The following WNK3 variants were observed in gnomAD, a reference collection of about 807,000 sequenced individuals.
WNK3 encodes WNK lysine deficient protein kinase 3.
Under a neutral mutation model 116.7 loss-of-function variants are expected in WNK3, and 18 were observed. That is an observed-to-expected ratio of 0.15 (90% CI 0.11 to 0.23). The LOEUF is 0.23. Ranked by LOEUF, WNK3 falls within the 10% of genes least tolerant of loss-of-function variation. The pLI, the probability that WNK3 is intolerant of heterozygous loss-of-function variation, is 1.00. For missense variants in WNK3, 993 were observed against 1,323.8 expected, an observed-to-expected ratio of 0.75 and a Z score of 3.88; for synonymous variants, 404 against 469.4, an observed-to-expected ratio of 0.86 and a Z score of 1.80.
rs979508515 is a variant in WNK3 at position 54,219,609 on chromosome X, C to T, written c.4870+9105G>A. ...AGGAGAATCACTTGAACCCGGGAGG[C>T]GGAGGTTGCAGTGAGCCGAGATCGC... On this transcript the variant is annotated intron_variant, in intron 22 of 23. Transcript: ENST00000354646. 3.0e-4 allele frequency among the ~76,000 whole-genome samples: 26 copies of T among 85,693 alleles called. 1 individual carries two copies. Among genetic ancestry groups the T allele is most frequent in the African/African-American group, 1.2e-3 (26 of 21,904 alleles). 74.4% of individuals were successfully genotyped at this position (85,693 alleles called of 115,157 possible).
intron 8 of WNK3, 134 bp from the exon 9 acceptor site, chrX:54,293,461 T>C: frequency 2.3e-6 from 1 of 430,481 alleles, no homozygotes. Flanking sequence ...ATAAAATATT[T>C]ACACTACAAC....
intron 2 of WNK3, among the ~76,000 whole-genome samples, chrX:54,323,911 T>G (rs2069067531): frequency 8.9e-6 from 1 of 112,326 alleles, no homozygotes; most frequent in Non-Finnish European, 1.9e-5. Flanking sequence ...TGTATTCATT[T>G]CCTATTGCTA....
In WNK3 at chrX:54,222,915, A is replaced by AATATATATAT. The variant is rs782107262; in HGVS notation, c.4870+5789_4870+5798dup. The stretch of plus-strand genomic sequence containing the variant: ...ATAGTATAATAATAATAATAATAAT[A>AATATATATAT]ATATATATATATATATATATATATA... On this transcript the variant is annotated intron_variant, in intron 22 of 23. Coordinates refer to ENST00000354646, the Ensembl canonical transcript of WNK3. Among the ~76,000 whole-genome samples, 13 of 81,020 alleles carry AATATATATAT rather than the reference A, an allele frequency of 1.6e-4. No individual in the cohort carries two copies. In the South Asian group the frequency reaches 1.7e-3, roughly 10 times the overall value. 70.4% of individuals were successfully genotyped at this position (81,020 alleles called of 115,157 possible). A position where few individuals can be genotyped will look rare whatever the true frequency, so the allele number is the denominator to read the frequency against.
chrX:54,344,785 A>C (rs1176804098), intron 1 of WNK3, among the ~76,000 whole-genome samples: 3 of 109,780 alleles, frequency 2.7e-5, no homozygotes, highest in Non-Finnish European at 3.8e-5. Flanking sequence ...TCTACTAAAA[A>C]TACAAAATTT....
intron 5 of WNK3, among the ~76,000 whole-genome samples, chrX:54,303,954 C>T (rs2068795149): frequency 9.0e-6 from 1 of 111,176 alleles, no homozygotes. Context: ...TATTTATGGC[C>T]TTCCAAAATA....
In WNK3 at chrX:54,238,395, C is replaced by T. The variant is rs782221000; in HGVS notation, c.3961G>A (p.Ala1321Thr). Residue 1321 changes from alanine (A) to threonine (T), a missense_variant, in exon 19 of 24, where the codon GCT becomes ACT. Ala to Thr is a moderately conservative substitution (Grantham distance 58). Around this residue, in one of 4 missense-constraint regions of WNK3, gnomAD observed 836 missense variants for 976.5 expected, o/e 0.86. Coordinates refer to ENST00000354646, the Ensembl canonical transcript of WNK3. Reference sequence around the variant, plus strand: ...CTCATCGCTTTACATCTATTCAAAGCCCTAGTATCAGCTGTGGACTCCCGT... The same window carrying T: ...CTCATCGCTTTACATCTATTCAAAGTCCTAGTATCAGCTGTGGACTCCCGT... 3.1e-5 allele frequency: 37 copies of T among 1,209,578 alleles called. No homozygotes were observed. Among genetic ancestry groups the T allele is most frequent in the Non-Finnish European group, 4.1e-5 (37 of 894,989 alleles).
In WNK3 at chrX:54,292,801, T is replaced by G. The variant is rs1288261199; in HGVS notation, c.2037+87A>C. On this transcript the variant is annotated intron_variant, in intron 10 of 23. Transcript: ENST00000354646. ...GACCTTTCTCTAAACTATAATGAAT[T>G]TATAAAAGAGAACTTTTGCCTGTCA... is the stretch of plus-strand genomic sequence containing the variant. 6.2e-6 allele frequency: 6 copies of G among 965,638 alleles called. No individual in the cohort carries two copies. In the African/African-American group the frequency reaches 1.2e-4, roughly 19 times the overall value. The allele number at this position is 965,638 out of a possible 1,213,427, so 79.6% of individuals were successfully genotyped here.
At chrX:54,235,323 T>C (rs889807025) in intron 20 of WNK3, among the ~76,000 whole-genome samples, 9 of 112,175 alleles carry the variant, frequency 8.0e-5, no homozygotes, top group South Asian at 7.4e-4. Context: ...TCTCGCTCTG[T>C]CACCCAGGCT....
At chrX:54,277,423 C>T (rs1026422546) in intron 10 of WNK3, among the ~76,000 whole-genome samples, 8 of 108,389 alleles carry the variant, frequency 7.4e-5, no homozygotes, top group African/African-American at 2.7e-4. Context: ...CTGCAACCTC[C>T]GCCTCCTGGG....
rs782702696 is a variant in WNK3 at position 54,249,411 on chromosome X, G to A, written c.2937C>T (p.Tyr979=). Reference sequence around the variant, plus strand: ...GAACTGCACGAACTGAAGTAGTAGAGTAACTGGAACTATTAGTAACTGGTG... The same window carrying A: ...GAACTGCACGAACTGAAGTAGTAGAATAACTGGAACTATTAGTAACTGGTG... The change falls in exon 17 of 24, where the codon TAC becomes TAT. Residue 979 remains tyrosine, a synonymous_variant. Coordinates refer to ENST00000354646, the Ensembl canonical transcript of WNK3. 6.6e-6 allele frequency: 8 copies of A among 1,209,854 alleles called. No individual in the cohort carries two copies. In the South Asian group the frequency reaches 1.4e-4, roughly 21 times the overall value.
chrX:54,302,161 T>A (rs1415688232), intron 5 of WNK3, among the ~76,000 whole-genome samples: 1 of 111,424 alleles, frequency 9.0e-6, no homozygotes, highest in Non-Finnish European at 1.9e-5. Flanking sequence ...TATATGACAA[T>A]ATACAGAAAT....
chrX:54,212,092 G>C (rs1235078219), intron 22 of WNK3, among the ~76,000 whole-genome samples: 9 of 111,090 alleles, frequency 8.1e-5, no homozygotes, highest in Non-Finnish European at 1.3e-4. Context: ...CGAGCATGGT[G>C]GTGGGTGCCT....
At chrX:54,306,943 A>T (rs2068832406) in intron 5 of WNK3, among the ~76,000 whole-genome samples, 1 of 110,427 alleles carries the variant, frequency 9.1e-6, no homozygotes, top group Admixed American at 9.8e-5. Context: ...AATGATATTA[A>T]TTTTGGCCAG....
intron 13 of WNK3, among the ~76,000 whole-genome samples, chrX:54,251,902 CTAAAAATA>C (rs2068134406): frequency 9.2e-6 from 1 of 108,502 alleles, no homozygotes; most frequent in Non-Finnish European, 1.9e-5. Context: ...CCTGTCTCTA[CTAAAAATA>C]CAAAATTAAC....
intron 10 of WNK3, among the ~76,000 whole-genome samples, chrX:54,275,412 C>CAT (rs1491102624): frequency 2.3e-5 from 1 of 44,435 alleles, no homozygotes; most frequent in Non-Finnish European, 4.2e-5. Context: ...GGTATAAGTT[C>CAT]ATATGTGTGT....
chrX:54,326,499 T>C (rs1274491944), intron 2 of WNK3, among the ~76,000 whole-genome samples: 1 of 108,330 alleles, frequency 9.2e-6, no homozygotes, highest in Non-Finnish European at 1.9e-5. Context: ...AACCCAGGAG[T>C]TCAAGACTAG....
intron 4 of WNK3, among the ~76,000 whole-genome samples, chrX:54,308,322 G>C (rs928853367): frequency 1.3e-4 from 14 of 110,436 alleles, no homozygotes; most frequent in Non-Finnish European, 7.6e-5. Flanking sequence ...CTCCCGGGTA[G>C]CTGGGATTAC....
At chrX:54,234,654 G>A (rs901394589) in intron 20 of WNK3, among the ~76,000 whole-genome samples, 2 of 110,294 alleles carry the variant, frequency 1.8e-5, no homozygotes, top group African/African-American at 3.3e-5. Flanking sequence ...GTGAAACCCC[G>A]TCTCTACTAA....
intron 22 of WNK3, among the ~76,000 whole-genome samples, chrX:54,219,783 T>C (rs2067741827): frequency 9.1e-6 from 1 of 109,688 alleles, no homozygotes. Flanking sequence ...CTGCATGTAG[T>C]TGGAGATTGT....
Sources: gnomAD v4.1 joint callset for allele counts (sites outside exome capture counted in the v4.1 genomes callset) on GRCh38, gnomAD v4.1.1 for gene constraint, gnomAD v4.1.1 regional missense constraint, MANE v1.5 for transcripts, NCBI Gene and HGNC (gene_info 2026-07-23, HGNC 2026-07-21) for gene names.